Variants in LPP observed in about 807,000 individuals in gnomAD.
The protein encoded by LPP is LIM domain containing preferred translocation partner in lipoma.
A neutral mutation model predicts 60.4 loss-of-function variants in LPP; 38 were observed. That is an observed-to-expected ratio of 0.63 (90% CI 0.49 to 0.83). The LOEUF is 0.83. Ranked by LOEUF, LPP falls within the 40% of genes least tolerant of loss-of-function variation. The pLI is 0.00. For missense variants in LPP, 902 were observed against 783.6 expected (o/e 1.15, Z -1.80); for synonymous variants, 328 against 290.8 (o/e 1.13, Z -1.30).
chr3:188,263,377 C>G (rs938863380), intron 2 of LPP, among the ~76,000 whole-genome samples: 7 of 152,180 alleles, frequency 4.6e-5, no homozygotes, highest in African/African-American at 1.7e-4. Flanking sequence ...TTCCCTAAAT[C>G]CAACCCTATT....
intron 3 of LPP, among the ~76,000 whole-genome samples, chr3:188,378,459 G>T (rs762872270): frequency 6.6e-6 from 1 of 152,182 alleles, no homozygotes. Flanking sequence ...GTTTGATCTC[G>T]GACCGCTGTG....
chr3:188,221,639 A>T (rs1482744273), intron 1 of LPP, among the ~76,000 whole-genome samples: 2 of 152,154 alleles, frequency 1.3e-5, no homozygotes, highest in Non-Finnish European at 2.9e-5. Context: ...TCAGCTAGTT[A>T]ATTGTTAACC....
intron 2 of LPP, among the ~76,000 whole-genome samples, chr3:188,242,372 A>G (rs897835778): frequency 6.6e-6 from 1 of 151,982 alleles, no homozygotes; most frequent in African/African-American, 2.4e-5. Flanking sequence ...TTATAAAAAG[A>G]AAGAGAGAGA....
chr3:188,511,867 C>T lies in LPP; in HGVS notation c.307-12798C>T, dbSNP rs187800323. ...TTGTTTTCCCAGTAGTGACTATGTC[C>T]CAGGCTGTGTGCAGTGGACTGGGTA... On this transcript the variant is annotated intron_variant, in intron 5 of 11. Coordinates refer to ENST00000617246, the MANE Select transcript of LPP (RefSeq NM_001375462.1). Among the ~76,000 whole-genome samples, 8 of 152,194 alleles carry T rather than the reference C, an allele frequency of 5.3e-5. No homozygotes were observed. In the East Asian group the frequency reaches 1.5e-3, roughly 29 times the overall value.
At chr3:188,312,432 CT>C (rs1560233300) in intron 2 of LPP, among the ~76,000 whole-genome samples, 1 of 152,082 alleles carries the variant, frequency 6.6e-6, no homozygotes, top group African/African-American at 2.4e-5. Context: ...TTTTGCATTT[CT>C]TTTTTAACTT....
At chr3:188,376,238 G>C (rs575846819) in intron 3 of LPP, among the ~76,000 whole-genome samples, 2 of 151,800 alleles carry the variant, frequency 1.3e-5, no homozygotes, top group African/African-American at 4.8e-5. Context: ...GTGCAGAGCT[G>C]AGTTCAATTC....
intron 8 of LPP, among the ~76,000 whole-genome samples, chr3:188,747,362 CT>C (rs1726576193): frequency 6.6e-6 from 1 of 152,140 alleles, no homozygotes; most frequent in Non-Finnish European, 1.5e-5. Flanking sequence ...TTTAACTTTT[CT>C]ACTTTAAAAC....
intron 1 of LPP, among the ~76,000 whole-genome samples, chr3:188,177,200 GC>G (rs1440265401): frequency 6.6e-6 from 1 of 152,218 alleles, no homozygotes; most frequent in Non-Finnish European, 1.5e-5. Flanking sequence ...GGGTGGGCCA[GC>G]CCAGCGAGGG....
chr3:188,343,927 ACTTAATGAGTGTAATCATTGTTTTT>A (rs1763681407), intron 3 of LPP, among the ~76,000 whole-genome samples: 1 of 152,222 alleles, frequency 6.6e-6, no homozygotes, highest in Admixed American at 6.5e-5. Context: ...ACAGGTACCC[ACTTAATGAGTGTAATCATTGTTTTT>A]CTCTGCTCTC....
chr3:188,365,098 T>G (rs1207205303), intron 3 of LPP, among the ~76,000 whole-genome samples: 1 of 150,718 alleles, frequency 6.6e-6, no homozygotes, highest in Admixed American at 6.7e-5. Context: ...TCAGATGAGT[T>G]TTAAGGGTAA....
intron 1 of LPP, among the ~76,000 whole-genome samples, chr3:188,198,218 A>G (rs1730080974): frequency 6.6e-6 from 1 of 152,222 alleles, no homozygotes; most frequent in Non-Finnish European, 1.5e-5. Flanking sequence ...AGGAGCTTAG[A>G]TAAGTTGCCC....
rs79232196 is a variant in LPP at position 188,372,352 on chromosome 3, C to T, written c.-10+30633C>T. Among the ~76,000 whole-genome samples the T allele has an allele frequency of 6.3e-3, 954 of 152,180 alleles. 8 individuals are homozygous for T. The highest frequency in any genetic ancestry group is 0.022 in the African/African-American group (899 of 41,524). Reference sequence around the variant, plus strand: ...AATAATTCACGATATTTCATATGTACACACAAGCTCCTTCAATCCAATTAG... The same window carrying T: ...AATAATTCACGATATTTCATATGTATACACAAGCTCCTTCAATCCAATTAG... On this transcript the variant is annotated intron_variant, in intron 3 of 11. Coordinates refer to ENST00000617246, the MANE Select transcript of LPP (RefSeq NM_001375462.1).
intron 8 of LPP, among the ~76,000 whole-genome samples, chr3:188,738,623 G>A (rs1236142044): frequency 6.6e-6 from 1 of 152,042 alleles, no homozygotes; most frequent in Non-Finnish European, 1.5e-5. Flanking sequence ...GATAAAGTGT[G>A]GGCTGCTTTT....
chr3:188,609,010 C>G lies in LPP; in HGVS notation c.430-151C>G, dbSNP rs901083207. ...TGATTTTTGTGTTCATCTGTGAACA[C>G]TTTGAAGGCAAGATTATGCCTTATT... On this transcript the variant is annotated intron_variant, in intron 6 of 11. Transcript: ENST00000617246. This position sits in a 1 kb window ranked among gnomAD's most constrained non-coding sequence, Gnocchi z 6.9. The G allele has an allele frequency of 4.5e-6, 3 of 660,692 alleles. No homozygotes were observed. The highest frequency in any genetic ancestry group is 1.8e-5 in the African/African-American group (1 of 54,652). 40.9% of individuals were successfully genotyped at this position (660,692 alleles called of 1,614,324 possible).
chr3:188,400,290 G>A (rs1781938657), intron 3 of LPP, among the ~76,000 whole-genome samples: 1 of 152,134 alleles, frequency 6.6e-6, no homozygotes, highest in African/African-American at 2.4e-5. Flanking sequence ...CGGAGATTTG[G>A]AGTTAAAGAT....
chr3:188,835,952 A>G (rs1417437802), intron 9 of LPP, among the ~76,000 whole-genome samples: 1 of 152,188 alleles, frequency 6.6e-6, no homozygotes, highest in Non-Finnish European at 1.5e-5. Flanking sequence ...ACTTCTTTGT[A>G]TTTTTGATGA....
intron 6 of LPP, among the ~76,000 whole-genome samples, chr3:188,569,828 G>A (rs1270465602): frequency 2.6e-5 from 4 of 151,924 alleles, no homozygotes; most frequent in Admixed American, 1.3e-4. Context: ...TTGGCAAAAA[G>A]TTTTTATTTT....
At chr3:188,345,773 A>G (rs1424471587) in intron 3 of LPP, among the ~76,000 whole-genome samples, 1 of 152,108 alleles carries the variant, frequency 6.6e-6, no homozygotes, top group Non-Finnish European at 1.5e-5. Context: ...TCTGGAGAAG[A>G]GTGTAGTAAT....
Position 188,704,126 on chromosome 3 carries a change from G to A in LPP, c.1114-4141G>A, listed in dbSNP as rs963081152. Among the ~76,000 whole-genome samples the A allele has an allele frequency of 1.6e-4, 25 of 152,142 alleles. 1 individual carries two copies. Among genetic ancestry groups the A allele is most frequent in the African/African-American group, 5.8e-4 (24 of 41,514 alleles). On this transcript the variant is annotated intron_variant, in intron 7 of 11. Transcript: ENST00000617246. The stretch of plus-strand genomic sequence containing the variant: ...AGCATCGTTTGCTTGGGGAAAAAAT[G>A]CATGGCACTTGGAGACAGGTGACAC...
Sources: allele counts gnomAD v4.1 joint callset (sites outside exome capture counted in the v4.1 genomes callset), GRCh38; gene constraint gnomAD v4.1.1; non-coding constraint Gnocchi (gnomAD v3.1); transcripts MANE v1.5; gene names NCBI Gene and HGNC (gene_info 2026-07-23, HGNC 2026-07-21).